B3GALNT2: variants seen among roughly 807,000 people sequenced by gnomAD.
B3GALNT2 encodes UDP-GalNAc:beta-1,3-N-acetylgalactosaminyltransferase 2.
In B3GALNT2, 53 loss-of-function variants were observed where a neutral mutation model predicts 61.1. That is an observed-to-expected ratio of 0.87 (90% CI 0.70 to 1.09). The LOEUF (loss-of-function observed/expected upper bound fraction) is 1.09. Among genes scored for constraint, B3GALNT2 ranks in the 50% least tolerant of loss-of-function variants. The probability of loss-of-function intolerance (pLI) is 0.00; values close to 1 mark genes in which losing one functional copy is unlikely to be tolerated. For missense variants in B3GALNT2, 544 were observed against 623.0 expected (o/e 0.87, Z 1.35); for synonymous variants, 223 against 237.4 (o/e 0.94, Z 0.56).
chr1:235,476,667 T>C (rs1490976537), intron 5 of B3GALNT2, among the ~76,000 whole-genome samples: 1 of 151,984 alleles, frequency 6.6e-6, no homozygotes, highest in Non-Finnish European at 1.5e-5. Context: ...CTGGCCAACA[T>C]GGTAAAATCT....
At chr1:235,464,311 A>G (rs1683580499) in intron 7 of B3GALNT2, 1 of 130,108 alleles carries the variant, frequency 7.7e-6, no homozygotes, top group Admixed American at 8.1e-5. Flanking sequence ...GCATATATAA[A>G]GAACTCTTAC....
intron 3 of B3GALNT2, among the ~76,000 whole-genome samples, chr1:235,485,419 T>A (rs1015672762): frequency 6.6e-6 from 1 of 152,178 alleles, no homozygotes; most frequent in African/African-American, 2.4e-5. Context: ...GCTCAAGGGA[T>A]CCTCCTGCCT....
Position 235,504,124 on chromosome 1 carries a change from C to G in B3GALNT2, c.112+17G>C, listed in dbSNP as rs1002207460. On this transcript the variant is annotated intron_variant, in intron 1 of 11. Coordinates refer to ENST00000366600, the MANE Select transcript of B3GALNT2 (RefSeq NM_152490.5). Reference sequence around the variant, plus strand: ...CCCCCCCGGCGGCCGCCAACCCGCCCGGCCCCAGGACCTCACCTGCAGGGC... The same window carrying G: ...CCCCCCCGGCGGCCGCCAACCCGCCGGGCCCCAGGACCTCACCTGCAGGGC... The G allele has an allele frequency of 8.2e-7, 1 of 1,216,738 alleles. No individual in the cohort carries two copies. The highest frequency in any genetic ancestry group is 1.0e-6 in the Non-Finnish European group (1 of 978,738). 75.4% of individuals were successfully genotyped at this position (1,216,738 alleles called of 1,614,324 possible). A position where few individuals can be genotyped will look rare whatever the true frequency, so the allele number is the denominator to read the frequency against.
chr1:235,494,864 G>GT, intron 1 of B3GALNT2, 36 bp from the exon 2 acceptor site: 1 of 1,532,480 alleles, frequency 6.5e-7, no homozygotes, highest in South Asian at 1.2e-5. Context: ...AATAAGTCAT[G>GT]TATCAATTAC....
In B3GALNT2 at chr1:235,458,785, T is replaced by C. The variant is rs543981282; in HGVS notation, c.843A>G (p.Glu281=). 4.1e-5 allele frequency: 65 copies of C among 1,577,650 alleles called. No individual in the cohort carries two copies. The South Asian group carries it at 7.1e-4, about 17-fold the overall frequency. ...GAAGGTTGTGTAAGAGAGCATCACC[T>C]TCTATAAAGGAAAAGTTGAGAGTTG... ...VAGGFIYTIQ[E]GDALLHNLHS... The change falls in exon 8 of 12, where the codon GAA becomes GAG. Residue 281 remains glutamate, a splice_region_variant and synonymous_variant. Coordinates refer to ENST00000366600, the MANE Select transcript of B3GALNT2 (RefSeq NM_152490.5).
chr1:235,471,862 C>T (rs1422555392), intron 5 of B3GALNT2, among the ~76,000 whole-genome samples: 1 of 152,106 alleles, frequency 6.6e-6, no homozygotes, highest in Admixed American at 6.6e-5. Context: ...AGGGTTTCGC[C>T]ATGTTGGCCA....
chr1:235,488,176 G>A (rs537033237), intron 3 of B3GALNT2, among the ~76,000 whole-genome samples: 26 of 152,232 alleles, frequency 1.7e-4, no homozygotes, highest in African/African-American at 6.3e-4. Flanking sequence ...CTAAGAGAAA[G>A]TTGATTCATA....
At chr1:235,464,434 CT>C (rs1683587626) in intron 7 of B3GALNT2, 1 of 151,324 alleles carries the variant, frequency 6.6e-6, no homozygotes, top group African/African-American at 2.4e-5. Flanking sequence ...CCCTCCACCC[CT>C]CCCTCCCTCA....
chr1:235,442,010 T>A, the B3GALNT2 span: 557 of 488,408 alleles, frequency 1.1e-3, no homozygotes, highest in Middle Eastern at 4.2e-3. Flanking sequence ...AAATGAAAAT[T>A]TTTTTTTTTT....
intron 8 of B3GALNT2, 89 bp from the exon 9 acceptor site, chr1:235,455,773 G>C: frequency 1.4e-6 from 2 of 1,388,020 alleles, no homozygotes; most frequent in Non-Finnish European, 2.0e-6. Flanking sequence ...ATTCAAAACT[G>C]TACCTGTCAT....
In B3GALNT2 at chr1:235,484,494, G is replaced by T. The variant is rs1572539209; in HGVS notation, c.383C>A (p.Ala128Glu). Residue 128 changes from alanine to glutamate, a missense_variant, in exon 4 of 12, where the codon GCG (alanine) becomes GAG (glutamate). By Grantham distance (107) the Ala-to-Glu change is moderately radical (BLOSUM62 -1). Coordinates refer to ENST00000366600, the MANE Select transcript of B3GALNT2 (RefSeq NM_152490.5). The stretch of plus-strand genomic sequence containing the variant: ...TGAAGTGTCTTCGGACAGACTGAAC[G>T]CTTCAATTTCCTGATTCAAAACTAA... ...TNPVLNQEIE[A>E]FSLSEDTSSG... 1 of 1,613,756 alleles carries T rather than the reference G, an allele frequency of 6.2e-7. No homozygotes were observed. The highest frequency in any genetic ancestry group is 1.7e-5 in the Admixed American group (1 of 59,902).
intron 5 of B3GALNT2, among the ~76,000 whole-genome samples, chr1:235,475,001 T>A (rs1272714622): frequency 3.8e-5 from 4 of 104,346 alleles, no homozygotes; most frequent in African/African-American, 1.1e-4. Flanking sequence ...TTTTTTTTTT[T>A]TTTTTTTTTG....
intron 2 of B3GALNT2, among the ~76,000 whole-genome samples, chr1:235,490,559 T>G (rs901635350): frequency 6.6e-6 from 1 of 152,162 alleles, no homozygotes; most frequent in African/African-American, 2.4e-5. Context: ...TTTAGACCCA[T>G]GTAAAGGACC....
chr1:235,467,471 T>C (rs1457818009), intron 6 of B3GALNT2, among the ~76,000 whole-genome samples: 1 of 147,534 alleles, frequency 6.8e-6, no homozygotes, highest in East Asian at 2.0e-4. Context: ...TTATTTGTTA[T>C]TTACTTATTT....
In B3GALNT2 at chr1:235,465,663, C is replaced by G; in HGVS notation, c.814G>C (p.Ala272Pro). The change falls in exon 7 of 12, where the codon GCA becomes CCA. Residue 272 changes from alanine (A) to proline (P), a missense_variant. Physicochemically the swap from Ala to Pro is conservative, Grantham distance 27. Transcript: ENST00000366600. ...HEFLEGVEGVAGGFIYTIQEG... is the reference protein window; with the variant it reads ...HEFLEGVEGVPGGFIYTIQEG... Reference sequence around the variant, plus strand: ...TGAATAGTATATATAAAACCACCTGCAACTCCCTCCACACCTTCCAAGAAT... The same window carrying G: ...TGAATAGTATATATAAAACCACCTGGAACTCCCTCCACACCTTCCAAGAAT... The G allele has an allele frequency of 6.2e-7, 1 of 1,614,064 alleles. No individual in the cohort carries two copies. Among genetic ancestry groups the G allele is most frequent in the Non-Finnish European group, 8.5e-7 (1 of 1,180,000 alleles).
downstream of B3GALNT2, chr1:235,442,873 A>G (rs1157708466): frequency 5.0e-6 from 8 of 1,613,958 alleles, no homozygotes; most frequent in Non-Finnish European, 6.8e-6. Flanking sequence ...AAATACCCTC[A>G]TCAACTTGAT....
chr1:235,449,131 C>CTATT lies in B3GALNT2; in HGVS notation c.*1071_*1074dup, dbSNP rs367766528. 3.6e-6 allele frequency: 1 copy of CTATT among 277,722 alleles called. No individual in the cohort carries two copies. 17.2% of individuals were successfully genotyped at this position (277,722 alleles called of 1,614,324 possible). ...TTAATGGAATTCTCTATTGAAACTACTATTTTAAAGGGTTACTAGAAATGA... is the reference window on the plus strand; with the variant it reads ...TTAATGGAATTCTCTATTGAAACTACTATTTATTTTAAAGGGTTACTAGAAATGA... On this transcript the variant is annotated 3_prime_UTR_variant, in exon 12 of 12. Transcript: ENST00000366600.
downstream of B3GALNT2, among the ~76,000 whole-genome samples, chr1:235,444,715 T>C (rs1248667650): frequency 6.6e-6 from 1 of 152,252 alleles, no homozygotes; most frequent in Non-Finnish European, 1.5e-5. Context: ...GGCCAGGACT[T>C]TCTGTGAATG....
the B3GALNT2 span, among the ~76,000 whole-genome samples, chr1:235,440,181 A>G: frequency 5.9e-5 from 9 of 152,226 alleles, no homozygotes; most frequent in Admixed American, 2.0e-4. Flanking sequence ...CGTGTTAGCC[A>G]GGATGGTCTC....
Sources: allele counts gnomAD v4.1 joint callset (sites outside exome capture counted in the v4.1 genomes callset), GRCh38; gene constraint gnomAD v4.1.1; transcripts MANE v1.5; gene names NCBI Gene and HGNC (gene_info 2026-07-23, HGNC 2026-07-21).